The following TMCC1 variants were observed in gnomAD, a reference collection of about 807,000 sequenced individuals.
The protein encoded by TMCC1 is transmembrane and coiled-coil domains protein 1.
A neutral mutation model predicts 52.4 loss-of-function variants in TMCC1; 15 were observed. The observed-to-expected ratio is 0.29, with a 90% CI of 0.19 to 0.44. TMCC1 has a LOEUF of 0.44. Ranked by LOEUF, TMCC1 falls within the 20% of genes least tolerant of loss-of-function variation. The probability of loss-of-function intolerance (pLI) is 1.00; values close to 1 mark genes in which losing one functional copy is unlikely to be tolerated. For missense variants in TMCC1, 503 were observed against 806.0 expected, an observed-to-expected ratio of 0.62 and a Z score of 4.55; for synonymous variants, 279 against 301.9, an observed-to-expected ratio of 0.92 and a Z score of 0.79.
At chr3:129,790,933 G>T (rs77290943) in intron 4 of TMCC1, among the ~76,000 whole-genome samples, 1 of 152,058 alleles carries the variant, frequency 6.6e-6, no homozygotes, top group Non-Finnish European at 1.5e-5. Context: ...TGACTGCTAA[G>T]TTCAAACTCT....
intron 4 of TMCC1, among the ~76,000 whole-genome samples, chr3:129,710,966 C>T (rs932667448): frequency 6.6e-6 from 1 of 152,176 alleles, no homozygotes; most frequent in Non-Finnish European, 1.5e-5. Context: ...CCAGTTCAAG[C>T]GATTCTCCTG....
At chr3:129,673,958 T>A (rs972837272) in intron 4 of TMCC1, among the ~76,000 whole-genome samples, 9 of 152,238 alleles carry the variant, frequency 5.9e-5, no homozygotes, top group African/African-American at 2.2e-4. Flanking sequence ...ATTTTTACTG[T>A]ACCTTTTCTG....
intron 4 of TMCC1, among the ~76,000 whole-genome samples, chr3:129,722,838 A>G (rs1421343208): frequency 1.3e-5 from 2 of 152,182 alleles, no homozygotes; most frequent in East Asian, 3.9e-4. Flanking sequence ...AAACAACAGA[A>G]AAAGAGGGTA....
chr3:129,827,855 G>A lies in TMCC1; in HGVS notation c.524C>T (p.Ala175Val). The A allele has an allele frequency of 6.2e-7, 1 of 1,613,720 alleles. No homozygotes were observed. Among genetic ancestry groups the A allele is most frequent in the Non-Finnish European group, 8.5e-7 (1 of 1,179,976 alleles). ...SSAMMEIACA[A>V]AAAAAACLPG... ...TAGACATGCAGCAGCAGCAGCAGCA[G>A]CAGCACAAGCTATTTCCATCATAGC... Residue 175 changes from alanine to valine, a missense_variant, in exon 4 of 7, where the codon GCT becomes GTT. Physicochemically the swap from Ala to Val is moderately conservative, Grantham distance 64. This residue lies in a region of TMCC1 where 217 missense variants were observed against 297.9 expected (regional missense o/e 0.73). Coordinates refer to ENST00000393238, the MANE Select transcript of TMCC1 (RefSeq NM_001017395.5).
At chr3:129,794,694 G>A (rs1372484217) in intron 4 of TMCC1, among the ~76,000 whole-genome samples, 1 of 151,974 alleles carries the variant, frequency 6.6e-6, no homozygotes, top group Non-Finnish European at 1.5e-5. Flanking sequence ...CGAGGATGCC[G>A]CTGTGGTGCT....
intron 4 of TMCC1, among the ~76,000 whole-genome samples, chr3:129,754,981 G>C (rs944186326): frequency 1.3e-5 from 2 of 152,090 alleles, no homozygotes; most frequent in Admixed American, 6.6e-5. Flanking sequence ...GGGAGGCTGA[G>C]GCAGGAGAAT....
intron 4 of TMCC1, among the ~76,000 whole-genome samples, chr3:129,825,077 C>T (rs1452987399): frequency 6.6e-6 from 1 of 152,134 alleles, no homozygotes. Context: ...TAATCAATGT[C>T]CTGTCAGGCA....
At chr3:129,765,399 C>A (rs754203559) in intron 4 of TMCC1, among the ~76,000 whole-genome samples, 2 of 151,998 alleles carry the variant, frequency 1.3e-5, no homozygotes, top group African/African-American at 2.4e-5. Flanking sequence ...AATATAACAT[C>A]CATTATTTAT....
intron 4 of TMCC1, among the ~76,000 whole-genome samples, chr3:129,717,159 A>G (rs957479498): frequency 2.0e-5 from 3 of 152,182 alleles, no homozygotes; most frequent in African/African-American, 7.2e-5. Flanking sequence ...ACTGTCTACA[A>G]ATTATTTTCT....
intron 4 of TMCC1, among the ~76,000 whole-genome samples, chr3:129,793,346 G>A (rs1244863138): frequency 4.6e-5 from 7 of 152,154 alleles, no homozygotes; most frequent in East Asian, 1.9e-4. Flanking sequence ...ACTCTACACT[G>A]GGGTCACCTG....
chr3:129,677,790 A>C (rs1003066545), intron 4 of TMCC1, among the ~76,000 whole-genome samples: 1 of 151,994 alleles, frequency 6.6e-6, no homozygotes. Context: ...AGGACTAATT[A>C]CTCTTCTTAC....
At chr3:129,805,272 C>T (rs565970521) in intron 4 of TMCC1, among the ~76,000 whole-genome samples, 1 of 152,132 alleles carries the variant, frequency 6.6e-6, no homozygotes. Context: ...AGGAAATCCT[C>T]CCACTTCAGC....
In TMCC1 at chr3:129,663,280, T is replaced by C. The variant is rs77061399; in HGVS notation, c.1511+7050A>G. ...CTTCCCTAGTTCGGCAATAGGTCACTAGCACAGGATAGCTGAAGAAACTTG... is the reference window on the plus strand; with the variant it reads ...CTTCCCTAGTTCGGCAATAGGTCACCAGCACAGGATAGCTGAAGAAACTTG... On this transcript the variant is annotated intron_variant, in intron 5 of 6. Coordinates refer to ENST00000393238, the MANE Select transcript of TMCC1 (RefSeq NM_001017395.5). Among the ~76,000 whole-genome samples, 73 of 152,248 alleles carry C rather than the reference T, an allele frequency of 4.8e-4. No individual in the cohort carries two copies. The East Asian group carries it at 0.011, about 22-fold the overall frequency.
chr3:129,665,605 T>C (rs2087387527), intron 5 of TMCC1, among the ~76,000 whole-genome samples: 1 of 152,178 alleles, frequency 6.6e-6, no homozygotes, highest in South Asian at 2.1e-4. Context: ...TTACTTCAAC[T>C]TGGGATAGGC....
chr3:129,789,927 A>C (rs1253213109), intron 4 of TMCC1, among the ~76,000 whole-genome samples: 2 of 152,126 alleles, frequency 1.3e-5, no homozygotes, highest in Non-Finnish European at 2.9e-5. Context: ...CAATAAAATC[A>C]ACAGAACTAG....
chr3:129,731,402 AC>A (rs894175405), intron 4 of TMCC1, among the ~76,000 whole-genome samples: 2 of 152,160 alleles, frequency 1.3e-5, no homozygotes, highest in Non-Finnish European at 2.9e-5. Context: ...ACATGGTGAA[AC>A]CCTGTCTCTA....
intron 4 of TMCC1, among the ~76,000 whole-genome samples, chr3:129,728,388 C>T (rs1029640869): frequency 2.6e-5 from 4 of 152,222 alleles, no homozygotes; most frequent in Admixed American, 2.0e-4. Context: ...AGGGTTCAAG[C>T]GATTCTTGTG....
intron 4 of TMCC1, among the ~76,000 whole-genome samples, chr3:129,751,159 C>T (rs1470914233): frequency 5.9e-5 from 9 of 152,000 alleles, no homozygotes; most frequent in Admixed American, 5.9e-4. Context: ...TGAGATCCTG[C>T]CACTGCACTC....
intron 1 of TMCC1, among the ~76,000 whole-genome samples, chr3:129,888,293 GAC>G (rs1213341328): frequency 2.6e-5 from 4 of 152,184 alleles, no homozygotes; most frequent in African/African-American, 7.2e-5. Context: ...GCTTAATAAA[GAC>G]ACAGTTACAT....
Sources: gnomAD v4.1 joint callset for allele counts (sites outside exome capture counted in the v4.1 genomes callset) on GRCh38, gnomAD v4.1.1 for gene constraint, gnomAD v4.1.1 regional missense constraint, MANE v1.5 for transcripts, NCBI Gene and HGNC (gene_info 2026-07-23, HGNC 2026-07-21) for gene names.